B4GALNT3: variants seen among roughly 807,000 people sequenced by gnomAD.
The protein encoded by B4GALNT3 is beta-1,4-N-acetylgalactosaminyltransferase 3.
A neutral mutation model predicts 120.2 loss-of-function variants in B4GALNT3; 86 were observed. That is an observed-to-expected ratio of 0.72 (90% CI 0.60 to 0.86). The LOEUF (loss-of-function observed/expected upper bound fraction) is 0.86, where lower values mean the gene tolerates loss of function less well. Ranked by LOEUF, B4GALNT3 falls within the 40% of genes least tolerant of loss-of-function variation. B4GALNT3 has a pLI of 0.00. For missense variants in B4GALNT3, 1,167 were observed against 1,298.9 expected (o/e 0.90, Z 1.56); for synonymous variants, 518 against 510.4 (o/e 1.01, Z -0.20).
intron 1 of B4GALNT3, among the ~76,000 whole-genome samples, chr12:512,631 TCCG>T (rs1166293127): frequency 3.8e-5 from 5 of 133,066 alleles, no homozygotes; most frequent in Middle Eastern, 4.4e-3. Context: ...CCTTCCACCT[TCCG>T]CCTTCCACCT....
At chr12:465,102 C>T (rs1022924917) in intron 1 of B4GALNT3, among the ~76,000 whole-genome samples, 11 of 152,120 alleles carry the variant, frequency 7.2e-5, no homozygotes, top group African/African-American at 1.7e-4. Context: ...CAAGCACAAC[C>T]GCCTCGTGTG....
chr12:465,975 C>A (rs1946074616), intron 1 of B4GALNT3, among the ~76,000 whole-genome samples: 1 of 146,774 alleles, frequency 6.8e-6, no homozygotes, highest in Non-Finnish European at 1.5e-5. Context: ...GGTCCCATTC[C>A]CCTGCTTGAT....
intron 1 of B4GALNT3, among the ~76,000 whole-genome samples, chr12:512,417 G>A (rs111211619): frequency 0.019 from 615 of 31,776 alleles, 1 homozygote; most frequent in African/African-American, 0.035. Context: ...TCCACCTTCC[G>A]CCTTCCGCCT....
At chr12:494,524 C>T (rs182845041) in intron 1 of B4GALNT3, among the ~76,000 whole-genome samples, 143 of 152,284 alleles carry the variant, frequency 9.4e-4, no homozygotes, top group Middle Eastern at 3.4e-3. Context: ...TTTCTACCAT[C>T]CCATAGTAGT....
chr12:558,488 C>T lies in B4GALNT3; in HGVS notation c.2608-20C>T, dbSNP rs945551482. The T allele has an allele frequency of 2.5e-6, 4 of 1,612,184 alleles. No homozygotes were observed. The South Asian group carries it at 3.3e-5, about 13-fold the overall frequency. On this transcript the variant is annotated intron_variant, in intron 17 of 19. Transcript: ENST00000266383. ...CTCTGGTCTGCAGGGTCTGCTGACC[C>T]TGCCCACATCTGTCCCCAGGACCCG...
rs771053015 is a variant in B4GALNT3 at position 538,560 on chromosome 12, C to CAAA, written c.351+2284_351+2286dup. ...AGTGACAGAGTTGAGAACCCCATCT[C>CAAA]AAAAAAAAAAAAAAAAAAAAAGAAA... On this transcript the variant is annotated intron_variant, in intron 3 of 19. Coordinates refer to ENST00000266383, the MANE Select transcript of B4GALNT3 (RefSeq NM_173593.4). Among the ~76,000 whole-genome samples, 71 of 63,992 alleles carry CAAA rather than the reference C, an allele frequency of 1.1e-3. 2 individuals carry two copies. Among genetic ancestry groups the CAAA allele is most frequent in the African/African-American group, 3.4e-3 (63 of 18,746 alleles). 42.0% of individuals were successfully genotyped at this position (63,992 alleles called of 152,430 possible).
chr12:556,906 G>A, intron 15 of B4GALNT3, 40 bp downstream of exon 15: 1 of 1,566,862 alleles, frequency 6.4e-7, no homozygotes, highest in Non-Finnish European at 8.7e-7. Context: ...CAGGGGCGGG[G>A]TCCTCACACT....
intron 2 of B4GALNT3, 53 bp from the exon 3 acceptor site, chr12:536,165 G>A (rs969967895): frequency 2.5e-5 from 38 of 1,506,542 alleles, no homozygotes; most frequent in South Asian, 6.8e-5. Context: ...TGTCCTGCCC[G>A]TAGCTTCTCA....
At chr12:534,288 G>A (rs1238432629) in intron 1 of B4GALNT3, among the ~76,000 whole-genome samples, 1 of 152,162 alleles carries the variant, frequency 6.6e-6, no homozygotes, top group Non-Finnish European at 1.5e-5. Context: ...CTACGGTTCT[G>A]GTTTGTGACT....
At chr12:487,499 G>T (rs892593717) in intron 1 of B4GALNT3, among the ~76,000 whole-genome samples, 2 of 152,022 alleles carry the variant, frequency 1.3e-5, no homozygotes, top group African/African-American at 2.4e-5. Context: ...GATCACTTGA[G>T]GCCAGGAGTT....
intron 1 of B4GALNT3, among the ~76,000 whole-genome samples, chr12:524,221 C>G (rs1946740035): frequency 6.6e-6 from 1 of 152,214 alleles, no homozygotes; most frequent in African/African-American, 2.4e-5. Context: ...ATATTCCTTT[C>G]TTGAAGAACA....
In B4GALNT3 at chr12:550,692, G is replaced by A. The variant is rs1259483329; in HGVS notation, c.998-230G>A. On this transcript the variant is annotated intron_variant, in intron 10 of 19. Coordinates refer to ENST00000266383, the MANE Select transcript of B4GALNT3 (RefSeq NM_173593.4). The surrounding 1 kb of genome is among the most constrained non-coding windows in gnomAD (Gnocchi z 4.1). ...CTGCACAGTGACTCTAAGATCAAAC[G>A]GTGCCTTGTACCTGGGGCTGTGTGC... 1.3e-5 allele frequency among the ~76,000 whole-genome samples: 2 copies of A among 152,120 alleles called. No homozygotes were observed. The highest frequency in any genetic ancestry group is 4.8e-5 in the African/African-American group (2 of 41,420).
At position 512,324 on chromosome 12, in the gene B4GALNT3, C is replaced by A. The variant is rs543413523; in HGVS notation, c.170-22842C>A. On this transcript the variant is annotated intron_variant, in intron 1 of 19. Coordinates refer to ENST00000266383, the MANE Select transcript of B4GALNT3 (RefSeq NM_173593.4). The stretch of plus-strand genomic sequence containing the variant: ...ACCTTCCACCTTCTTCCACCTTCCA[C>A]CTTCCACCTTCCTTCCACCTTCCAC... Among the ~76,000 whole-genome samples the A allele has an allele frequency of 2.6e-3, 342 of 132,180 alleles. 1 individual carries two copies. The highest frequency in any genetic ancestry group is 4.2e-3 in the Admixed American group (53 of 12,598). The allele number at this position is 132,180 out of a possible 152,430, so 86.7% of individuals were successfully genotyped here. A position where few individuals can be genotyped will look rare whatever the true frequency, so the allele number is the denominator to read the frequency against.
chr12:527,393 T>C (rs925132646), intron 1 of B4GALNT3, among the ~76,000 whole-genome samples: 5 of 152,200 alleles, frequency 3.3e-5, no homozygotes, highest in African/African-American at 1.2e-4. Flanking sequence ...GTACAGTCCC[T>C]TGTGCCTGTA....
At chr12:541,125 G>A (rs747121229) in intron 3 of B4GALNT3, among the ~76,000 whole-genome samples, 51 of 152,368 alleles carry the variant, frequency 3.3e-4, no homozygotes, top group Non-Finnish European at 6.0e-4. Flanking sequence ...AGGACTCCGT[G>A]TGGGGGAGAA....
intron 1 of B4GALNT3, among the ~76,000 whole-genome samples, chr12:525,173 A>G (rs2120634076): frequency 6.6e-6 from 1 of 151,552 alleles, no homozygotes; most frequent in South Asian, 2.1e-4. Context: ...CAGTGGTGTG[A>G]TCTCGGCTCA....
rs368156322 is a variant in B4GALNT3, at chr12:550,942, C to T, written c.1018C>T (p.His340Tyr). 4.3e-6 allele frequency: 7 copies of T among 1,613,820 alleles called. No individual in the cohort carries two copies. In the African/African-American group the frequency reaches 6.7e-5, roughly 15 times the overall value. Residue 340 changes from histidine to tyrosine, a missense_variant, in exon 11 of 20, where the codon CAT becomes TAT. Coordinates refer to ENST00000266383, the MANE Select transcript of B4GALNT3 (RefSeq NM_173593.4). This position sits in a 1 kb window ranked among gnomAD's most constrained non-coding sequence, Gnocchi z 4.1. ...CTCAGTGCCTCTGATCCCCAAGTCG[C>T]ATCTCCGCCACGTCCTGCCTGACTG... The part of the protein sequence containing the change: ...LYRVPLIPKS[H>Y]LRHVLPDCPY...
chr12:468,393 C>T (rs201624327), intron 1 of B4GALNT3, among the ~76,000 whole-genome samples: 1 of 152,182 alleles, frequency 6.6e-6, no homozygotes, highest in Non-Finnish European at 1.5e-5. Context: ...AGTTGAATCA[C>T]ATCCACAAAT....
intron 1 of B4GALNT3, among the ~76,000 whole-genome samples, chr12:513,492 T>C (rs1946619806): frequency 6.6e-6 from 1 of 152,222 alleles, no homozygotes; most frequent in Non-Finnish European, 1.5e-5. Context: ...GGCGGGAGCA[T>C]AGCAGCGAGG....
Sources: gnomAD v4.1 joint callset for allele counts (sites outside exome capture counted in the v4.1 genomes callset) on GRCh38, gnomAD v4.1.1 for gene constraint, Gnocchi (gnomAD v3.1) non-coding constraint, MANE v1.5 for transcripts, NCBI Gene and HGNC (gene_info 2026-07-23, HGNC 2026-07-21) for gene names.